The following AUTS2 variants were observed in gnomAD, a reference collection of about 807,000 sequenced individuals.
AUTS2 encodes autism susceptibility gene 2 protein.
A neutral mutation model predicts 112.4 loss-of-function variants in AUTS2; 17 were observed. The observed-to-expected ratio is 0.15, with a 90% confidence interval of 0.10 to 0.23. AUTS2 has a LOEUF of 0.23. Ranked by LOEUF, AUTS2 falls within the 10% of genes least tolerant of loss-of-function variation. AUTS2 has a pLI of 1.00. For synonymous variants in AUTS2, 751 were observed against 702.7 expected (o/e 1.07, Z -1.09); for missense variants, 1,510 against 1,701.6 (o/e 0.89, Z 1.98).
chr7:70,708,884 A>T (rs951565647), intron 6 of AUTS2, among the ~76,000 whole-genome samples: 4 of 149,390 alleles, frequency 2.7e-5, no homozygotes, highest in Non-Finnish European at 6.0e-5. Context: ...CACTTTTTTC[A>T]CGTTTCTTCA....
At chr7:69,933,385 A>C (rs1238098973) in intron 2 of AUTS2, among the ~76,000 whole-genome samples, 1 of 152,226 alleles carries the variant, frequency 6.6e-6, no homozygotes, top group Non-Finnish European at 1.5e-5. Context: ...CAGAGATTTC[A>C]TATTCACAAA....
intron 4 of AUTS2, among the ~76,000 whole-genome samples, chr7:70,329,892 T>C (rs1472965486): frequency 2.0e-5 from 3 of 152,022 alleles, no homozygotes; most frequent in Non-Finnish European, 2.9e-5. Flanking sequence ...GCCAGTAGAT[T>C]TGCTGTTGGG....
chr7:70,118,423 A>G (rs897982570), intron 3 of AUTS2, 190 bp downstream of exon 3: 2 of 687,824 alleles, frequency 2.9e-6, no homozygotes, highest in African/African-American at 1.9e-5. Context: ...TCATTCTAAA[A>G]TGTCGTTTGA....
At chr7:70,113,080 C>A (rs1235262320) in intron 2 of AUTS2, among the ~76,000 whole-genome samples, 1 of 152,046 alleles carries the variant, frequency 6.6e-6, no homozygotes, top group Non-Finnish European at 1.5e-5. Flanking sequence ...AACAAAAGAA[C>A]CTTTGATTCT....
intron 6 of AUTS2, among the ~76,000 whole-genome samples, chr7:70,748,730 C>T (rs1788619527): frequency 6.6e-6 from 1 of 152,228 alleles, no homozygotes; most frequent in South Asian, 2.1e-4. Context: ...AGTCCCCATT[C>T]CACTCCATGG....
chr7:69,693,298 A>G (rs909365340), intron 1 of AUTS2, among the ~76,000 whole-genome samples: 1 of 152,210 alleles, frequency 6.6e-6, no homozygotes, highest in Non-Finnish European at 1.5e-5. Flanking sequence ...CCATTTCCCC[A>G]TTCTGGGGGT....
chr7:69,672,047 C>T (rs185326163), intron 1 of AUTS2, among the ~76,000 whole-genome samples: 51 of 151,370 alleles, frequency 3.4e-4, no homozygotes, highest in Middle Eastern at 3.4e-3. Context: ...AAGAGGGGAA[C>T]GTAACTTTTC....
At chr7:70,438,684 T>C (rs961816180) in intron 5 of AUTS2, among the ~76,000 whole-genome samples, 1 of 152,156 alleles carries the variant, frequency 6.6e-6, no homozygotes, top group South Asian at 2.1e-4. Flanking sequence ...GGAGCCTGGG[T>C]CCCTGTCAGC....
intron 12 of AUTS2, among the ~76,000 whole-genome samples, chr7:70,774,545 C>T (rs765808790): frequency 2.3e-4 from 35 of 152,294 alleles, no homozygotes; most frequent in Non-Finnish European, 2.2e-4. Flanking sequence ...TTGTACTGCA[C>T]GGCTCTTTGG....
At chr7:69,927,186 T>TATA (rs1796051377) in intron 2 of AUTS2, among the ~76,000 whole-genome samples, 3 of 142,410 alleles carry the variant, frequency 2.1e-5, no homozygotes, top group Admixed American at 1.4e-4. Flanking sequence ...TCCAATATAT[T>TATA]TATATATATA....
intron 2 of AUTS2, among the ~76,000 whole-genome samples, chr7:70,084,376 A>G (rs964267636): frequency 3.3e-5 from 5 of 152,228 alleles, no homozygotes; most frequent in Admixed American, 6.5e-5. Context: ...TAAGAGTACA[A>G]TGTACATTCT....
rs558852727 is a variant in AUTS2, at chr7:70,763,054, G to T, written c.927G>T (p.Pro309=). Reference sequence around the variant, plus strand: ...AGGTCGCACAGCCAATACCCCAGCCGCAGACGGAGCCCCAACTCCGAGCTC... The same window carrying T: ...AGGTCGCACAGCCAATACCCCAGCCTCAGACGGAGCCCCAACTCCGAGCTC... ...CPQVAQPIPQ[P]QTEPQLRAPS... Residue 309 remains proline (P), a synonymous_variant, in exon 7 of 19, where the codon CCG becomes CCT. Transcript: ENST00000342771. 1.9e-6 allele frequency: 3 copies of T among 1,614,084 alleles called. No individual in the cohort carries two copies. Among genetic ancestry groups the T allele is most frequent in the Admixed American group, 1.7e-5 (1 of 60,018 alleles).
chr7:70,235,568 G>C (rs941141243), intron 4 of AUTS2, among the ~76,000 whole-genome samples: 25 of 152,110 alleles, frequency 1.6e-4, no homozygotes, highest in African/African-American at 5.8e-4. Flanking sequence ...CGTACTATCT[G>C]TTTTTAGGTG....
chr7:69,944,264 A>G (rs1796727713), intron 2 of AUTS2, among the ~76,000 whole-genome samples: 1 of 152,192 alleles, frequency 6.6e-6, no homozygotes, highest in Non-Finnish European at 1.5e-5. Context: ...TCTGTAGACT[A>G]TTCCTAATAA....
chr7:70,441,339 A>G (rs1007934170), intron 5 of AUTS2, among the ~76,000 whole-genome samples: 1 of 152,098 alleles, frequency 6.6e-6, no homozygotes, highest in African/African-American at 2.4e-5. Flanking sequence ...ATGCAGTACT[A>G]CCGATTTTTC....
intron 4 of AUTS2, among the ~76,000 whole-genome samples, chr7:70,196,853 A>T (rs1029406547): frequency 6.6e-6 from 1 of 152,152 alleles, no homozygotes; most frequent in Non-Finnish European, 1.5e-5. Context: ...GTGAAGTAAG[A>T]AAAGGTATAT....
At chr7:69,716,496 C>T (rs1415934933) in intron 1 of AUTS2, among the ~76,000 whole-genome samples, 1 of 152,128 alleles carries the variant, frequency 6.6e-6, no homozygotes, top group Non-Finnish European at 1.5e-5. Context: ...TTCTTATTCT[C>T]AGTCACTTCA....
chr7:69,920,385 C>G (rs558707590), intron 2 of AUTS2, among the ~76,000 whole-genome samples: 2 of 151,860 alleles, frequency 1.3e-5, no homozygotes, highest in South Asian at 4.2e-4. Context: ...CCTCCTGGCT[C>G]AAGCAATCCT....
At chr7:70,060,952 T>G (rs1802217900) in intron 2 of AUTS2, among the ~76,000 whole-genome samples, 2 of 152,180 alleles carry the variant, frequency 1.3e-5, no homozygotes, top group Non-Finnish European at 2.9e-5. Flanking sequence ...AACCAGCTTT[T>G]TCTGTTTCTC....
Sources: allele counts gnomAD v4.1 joint callset (sites outside exome capture counted in the v4.1 genomes callset), GRCh38; gene constraint gnomAD v4.1.1; transcripts MANE v1.5; gene names NCBI Gene and HGNC (gene_info 2026-07-23, HGNC 2026-07-21).